The following CKAP2 variants were observed in gnomAD, a reference collection of about 807,000 sequenced individuals.
The protein encoded by CKAP2 is cytoskeleton-associated protein 2.
CKAP2 carries 46 observed loss-of-function variants against 58.4 expected under a neutral mutation model. The observed-to-expected ratio is 0.79, with a 90% CI of 0.62 to 1.01. The LOEUF is 1.01. Among genes scored for constraint, CKAP2 ranks in the 50% least tolerant of loss-of-function variants. The pLI is 0.00. For missense variants in CKAP2, 809 were observed against 796.4 expected, an observed-to-expected ratio of 1.02 and a Z score of -0.19; for synonymous variants, 293 against 280.9, an observed-to-expected ratio of 1.04 and a Z score of -0.43.
At chr13:52,463,758 T>G (rs996117197) in intron 5 of CKAP2, among the ~76,000 whole-genome samples, 1 of 152,220 alleles carries the variant, frequency 6.6e-6, no homozygotes, top group Non-Finnish European at 1.5e-5. Context: ...GATATTTACT[T>G]CAGAGTCATC....
rs867262805 is a variant in CKAP2 at position 52,473,890 on chromosome 13, T to TA, written c.1609dup (p.Thr537AsnfsTer4). The TA allele has an allele frequency of 1.5e-5, 24 of 1,613,724 alleles. No homozygotes were observed. The highest frequency in any genetic ancestry group is 2.2e-5 in the East Asian group (1 of 44,848). On this transcript the variant is annotated frameshift_variant, in exon 8 of 9. Transcript: ENST00000258607. LOFTEE classifies it high-confidence loss of function. Reference sequence around the variant, plus strand: ...AAGTCAAAGAAGTCAGTATTGAAGATACAGGTGTTGATGTAGATCCAGAAA... The same window carrying TA: ...AAGTCAAAGAAGTCAGTATTGAAGATAACAGGTGTTGATGTAGATCCAGAAA...
Position 52,455,731 on chromosome 13 carries a change from C to T in CKAP2, c.70+105C>T, listed in dbSNP as rs183306242. 1.0e-4 allele frequency: 125 copies of T among 1,244,868 alleles called. 1 individual carries two copies. Among genetic ancestry groups the T allele is most frequent in the Non-Finnish European group, 1.1e-4 (110 of 958,156 alleles). 77.1% of individuals were successfully genotyped at this position (1,244,868 alleles called of 1,614,324 possible). On this transcript the variant is annotated intron_variant, in intron 1 of 8. Coordinates refer to ENST00000258607, the MANE Select transcript of CKAP2 (RefSeq NM_018204.5). ...GCGCTGGCGCGCTTCACCTCTCCCC[C>T]GCTCTGTGAGATCCCTGAACGCGGC... is the stretch of plus-strand genomic sequence containing the variant.
At position 52,455,567 on chromosome 13, in the gene CKAP2, C is replaced by A; in HGVS notation, c.11C>A (p.Pro4Gln). MST[P>Q]AVPQDLQLPP... ...CGACCCGAGGCTACGATGAGCACAC[C>A]GGCCGTGCCCCAGGACCTGCAGCTG... is the stretch of plus-strand genomic sequence containing the variant. The change falls in exon 1 of 9, where the codon CCG becomes CAG. Residue 4 changes from proline (P) to glutamine (Q), a missense_variant. Pro to Gln is a moderately conservative substitution (Grantham distance 76). Transcript: ENST00000258607. 1 of 1,612,762 alleles carries A rather than the reference C, an allele frequency of 6.2e-7. No individual in the cohort carries two copies. The highest frequency in any genetic ancestry group is 8.5e-7 in the Non-Finnish European group (1 of 1,179,756).
Position 52,461,394 on chromosome 13 carries a change from T to C in CKAP2, c.568T>C (p.Phe190Leu). The change falls in exon 4 of 9, where the codon TTT (phenylalanine) becomes CTT (leucine). Residue 190 changes from phenylalanine to leucine, a missense_variant. Coordinates refer to ENST00000258607, the MANE Select transcript of CKAP2 (RefSeq NM_018204.5). The stretch of plus-strand genomic sequence containing the variant: ...GATTGTTCAGTCTAAGATTAATTCA[T>C]TTAGAAAACCTCTACAAGTCAAAGA... ...GQIVQSKINSFRKPLQVKDES... is the reference protein window; with the variant it reads ...GQIVQSKINSLRKPLQVKDES... The C allele has an allele frequency of 6.2e-7, 1 of 1,614,218 alleles. No individual in the cohort carries two copies. Among genetic ancestry groups the C allele is most frequent in the Non-Finnish European group, 8.5e-7 (1 of 1,180,040 alleles).
rs1958599320 is a variant in CKAP2 at position 52,462,351 on chromosome 13, T to A, written c.1101-12T>A. The A allele has an allele frequency of 6.2e-7, 1 of 1,607,012 alleles. No individual in the cohort carries two copies. Among genetic ancestry groups the A allele is most frequent in the Admixed American group, 1.7e-5 (1 of 58,008 alleles). ...ATTTCAAAGTAACGTTTATATCTGC[T>A]TCTAACTATAGAGCTCGTCTGAGTG... On this transcript the variant is annotated splice_polypyrimidine_tract_variant and intron_variant, in intron 4 of 8. Transcript: ENST00000258607.
chr13:52,460,808 A>T, intron 2 of CKAP2, 91 bp from the exon 3 acceptor site: 1 of 1,099,530 alleles, frequency 9.1e-7, no homozygotes, highest in Non-Finnish European at 1.3e-6. Flanking sequence ...TAAGTCAGTT[A>T]ATTGTTAACA....
chr13:52,462,384 A>T lies in CKAP2; in HGVS notation c.1122A>T (p.Lys374Asn). 6.2e-7 allele frequency: 1 copy of T among 1,614,128 alleles called. No individual in the cohort carries two copies. The change falls in exon 5 of 9, where the codon AAA becomes AAT. Residue 374 changes from lysine to asparagine, a missense_variant. This residue lies in a region of CKAP2 where 523 missense variants were observed against 492.4 expected (regional missense o/e 1.06). Transcript: ENST00000258607. ...ATAGAGCTCGTCTGAGTGAGTGGAA[A>T]GCTGGCAAAGGAAGAGTGCTAAAAA... ...EERKARLSEW[K>N]AGKGRVLKRP...
intron 6 of CKAP2, among the ~76,000 whole-genome samples, chr13:52,467,880 G>T (rs1958704144): frequency 6.6e-6 from 1 of 151,474 alleles, no homozygotes; most frequent in Admixed American, 6.6e-5. Flanking sequence ...CATGATCTCG[G>T]CTCACTGCAA....
chr13:52,456,890 T>A (rs1958492462), intron 2 of CKAP2, among the ~76,000 whole-genome samples: 1 of 151,816 alleles, frequency 6.6e-6, no homozygotes, highest in East Asian at 1.9e-4. Flanking sequence ...TAGATCATCG[T>A]TTTATTAATT....
intron 5 of CKAP2, among the ~76,000 whole-genome samples, chr13:52,462,861 T>C (rs1261829601): frequency 6.6e-6 from 1 of 152,202 alleles, no homozygotes; most frequent in Non-Finnish European, 1.5e-5. Context: ...TAATTGAAGA[T>C]GTTTTTTGTT....
At chr13:52,464,192 G>T (rs1958627511) in intron 5 of CKAP2, among the ~76,000 whole-genome samples, 2 of 151,904 alleles carry the variant, frequency 1.3e-5, no homozygotes, top group South Asian at 2.1e-4. Context: ...CCAAAGACTA[G>T]CAACACAAAT....
chr13:52,475,199 T>C lies in CKAP2; in HGVS notation c.*58T>C, dbSNP rs1478103417. 2.7e-5 allele frequency: 42 copies of C among 1,583,634 alleles called. No homozygotes were observed. Among genetic ancestry groups the C allele is most frequent in the Non-Finnish European group, 3.6e-5 (42 of 1,165,400 alleles). On this transcript the variant is annotated 3_prime_UTR_variant, in exon 9 of 9. Transcript: ENST00000258607. ...TTATTATTTGTGGGGTGTTTTGTTT[T>C]GAGTAGCTTTATATTGCTCTTAGGT... is the stretch of plus-strand genomic sequence containing the variant.
chr13:52,465,415 A>T lies in CKAP2; in HGVS notation c.1426A>T (p.Ile476Phe), dbSNP rs763680534. The T allele has an allele frequency of 6.2e-7, 1 of 1,613,534 alleles. No individual in the cohort carries two copies. Among genetic ancestry groups the T allele is most frequent in the South Asian group, 1.1e-5 (1 of 91,044 alleles). ...ACTTATTGAACCAATCACAAGTCCTATTGAAAATATTATTGCAATCTATGA... is the reference window on the plus strand; with the variant it reads ...ACTTATTGAACCAATCACAAGTCCTTTTGAAAATATTATTGCAATCTATGA... ...LALIEPITSP[I>F]ENIIAIYEKA... Residue 476 changes from isoleucine (I) to phenylalanine (F), a missense_variant, in exon 6 of 9, where the codon ATT becomes TTT. Around this residue, in one of 3 missense-constraint regions of CKAP2, gnomAD observed 283 missense variants for 287.6 expected, o/e 0.98. Coordinates refer to ENST00000258607, the MANE Select transcript of CKAP2 (RefSeq NM_018204.5).
chr13:52,474,661 G>A (rs1346464673), intron 8 of CKAP2, among the ~76,000 whole-genome samples: 1 of 152,144 alleles, frequency 6.6e-6, no homozygotes, highest in East Asian at 1.9e-4. Flanking sequence ...TTGGCTTTCA[G>A]GAATTAGCCA....
chr13:52,468,211 G>A (rs1278653020), intron 6 of CKAP2, 67 bp from the exon 7 acceptor site: 1 of 913,678 alleles, frequency 1.1e-6, no homozygotes, highest in African/African-American at 1.7e-5. Context: ...TCGCGACTTG[G>A]ATACCTAGTT....
intron 7 of CKAP2, among the ~76,000 whole-genome samples, chr13:52,470,128 A>G (rs1381948934): frequency 2.0e-5 from 3 of 149,332 alleles, no homozygotes; most frequent in Non-Finnish European, 4.5e-5. Flanking sequence ...TTTTTTTTGA[A>G]AGAGTCTTGC....
Position 52,460,906 on chromosome 13 carries a change from C to G in CKAP2, c.163C>G (p.Gln55Glu). ...TTGTTTGTTTTTAAGTAGTAGAGAT[C>G]AGAGAGTTGTGACATCTGAGGACCA... is the stretch of plus-strand genomic sequence containing the variant. ...QENEMLSSRD[Q>E]RVVTSEDQVQ... is the part of the protein sequence containing the mutation. The change falls in exon 3 of 9, where the codon CAG becomes GAG. Residue 55 changes from glutamine (Q) to glutamate (E), a missense_variant. Gln to Glu is a conservative substitution (Grantham distance 29, BLOSUM62 2). Around this residue, in one of 3 missense-constraint regions of CKAP2, gnomAD observed 523 missense variants for 492.4 expected, o/e 1.06. Transcript: ENST00000258607. 1 of 1,612,742 alleles carries G rather than the reference C, an allele frequency of 6.2e-7. No homozygotes were observed. Among genetic ancestry groups the G allele is most frequent in the Non-Finnish European group, 8.5e-7 (1 of 1,179,666 alleles).
Position 52,462,423 on chromosome 13 carries a change from A to C in CKAP2, c.1161A>C (p.Ser387=). The C allele has an allele frequency of 6.2e-7, 1 of 1,614,148 alleles. No homozygotes were observed. Among genetic ancestry groups the C allele is most frequent in the Non-Finnish European group, 8.5e-7 (1 of 1,180,024 alleles). ...KGRVLKRPPN[S]VVTQHEPAGQ... ...GAGTGCTAAAAAGGCCCCCTAATTC[A>C]GTAGTTACTCAGCATGAGCCTGCAG... Residue 387 remains serine, a synonymous_variant, in exon 5 of 9, where the codon TCA becomes TCC. Coordinates refer to ENST00000258607, the MANE Select transcript of CKAP2 (RefSeq NM_018204.5).
At chr13:52,467,670 C>T (rs1392629550) in intron 6 of CKAP2, among the ~76,000 whole-genome samples, 1 of 151,996 alleles carries the variant, frequency 6.6e-6, no homozygotes, top group African/African-American at 2.4e-5. Flanking sequence ...GATCGCACCA[C>T]TGCATTCCAT....
Sources: gnomAD v4.1 joint callset for allele counts (sites outside exome capture counted in the v4.1 genomes callset) on GRCh38, gnomAD v4.1.1 for gene constraint, gnomAD v4.1.1 regional missense constraint, MANE v1.5 for transcripts, NCBI Gene and HGNC (gene_info 2026-07-23, HGNC 2026-07-21) for gene names.